Variants in COL9A2 observed in about 807,000 individuals in gnomAD.
The protein encoded by COL9A2 is collagen type IX alpha 2 chain.
COL9A2 carries 66 observed loss-of-function variants against 111.6 expected under a neutral mutation model. The observed-to-expected ratio is 0.59, with a 90% CI of 0.48 to 0.73. The LOEUF (loss-of-function observed/expected upper bound fraction) is 0.73. Ranked by LOEUF, COL9A2 falls within the 30% of genes least tolerant of loss-of-function variation. The pLI is 0.00. For synonymous variants in COL9A2, 353 were observed against 364.1 expected, an observed-to-expected ratio of 0.97 and a Z score of 0.35; for missense variants, 881 against 954.1, an observed-to-expected ratio of 0.92 and a Z score of 1.01.
chr1:40,314,077 G>A lies in COL9A2; in HGVS notation c.249+128C>T. On this transcript the variant is annotated intron_variant, in intron 4 of 31. Coordinates refer to ENST00000372748, the MANE Select transcript of COL9A2 (RefSeq NM_001852.4). This position sits in a 1 kb window ranked among gnomAD's most constrained non-coding sequence, Gnocchi z 4.1. ...GTCACAAGTCATATCAAGGTGAGGG[G>A]GGCTCACAGCTGGAGAATCTCCATC... The A allele has an allele frequency of 1.9e-6, 2 of 1,026,668 alleles. No homozygotes were observed. The highest frequency in any genetic ancestry group is 3.1e-6 in the Non-Finnish European group (2 of 648,670). 63.6% of individuals were successfully genotyped at this position (1,026,668 alleles called of 1,614,324 possible).
rs559005775 is a variant in COL9A2, at chr1:40,314,912, C to T, written c.151-525G>A. ...GGACCTCCTTCCAGTGCCAAAGGAC[C>T]CTTGGTGGTGGGCAGGCAGGGCCGG... On this transcript the variant is annotated intron_variant, in intron 2 of 31. Coordinates refer to ENST00000372748, the MANE Select transcript of COL9A2 (RefSeq NM_001852.4). This position sits in a 1 kb window ranked among gnomAD's most constrained non-coding sequence, Gnocchi z 4.1. Among the ~76,000 whole-genome samples the T allele has an allele frequency of 6.6e-6, 1 of 152,004 alleles. No individual in the cohort carries two copies. The highest frequency in any genetic ancestry group is 1.9e-4 in the East Asian group (1 of 5,162).
chr1:40,312,193 G>A lies in COL9A2; in HGVS notation c.364-81C>T, dbSNP rs969391205. The A allele has an allele frequency of 3.6e-5, 45 of 1,257,612 alleles. No homozygotes were observed. The African/African-American group carries it at 6.1e-4, about 17-fold the overall frequency. 77.9% of individuals were successfully genotyped at this position (1,257,612 alleles called of 1,614,324 possible). A position where few individuals can be genotyped will look rare whatever the true frequency, so the allele number is the denominator to read the frequency against. On this transcript the variant is annotated intron_variant, in intron 7 of 31. Transcript: ENST00000372748. The surrounding 1 kb of genome is among the most constrained non-coding windows in gnomAD (Gnocchi z 6.0). The stretch of plus-strand genomic sequence containing the variant: ...ACAAAGGTAGAGACAGGCACCCAAA[G>A]CCCGTTTCTCCACTTTTACTTTTTT...
Position 40,303,871 on chromosome 1 carries a change from C to A in COL9A2, c.1369-32G>T. The A allele has an allele frequency of 6.5e-7, 1 of 1,548,974 alleles. No homozygotes were observed. The highest frequency in any genetic ancestry group is 1.4e-5 in the African/African-American group (1 of 72,892). On this transcript the variant is annotated intron_variant, in intron 26 of 31. Coordinates refer to ENST00000372748, the MANE Select transcript of COL9A2 (RefSeq NM_001852.4). The surrounding 1 kb of genome is among the most constrained non-coding windows in gnomAD (Gnocchi z 4.6). ...GCACAAGGAGCAGCGGTCACGAAGCCGCGGGGACCCCGGGGCCAGCCGCCG... is the reference window on the plus strand; with the variant it reads ...GCACAAGGAGCAGCGGTCACGAAGCAGCGGGGACCCCGGGGCCAGCCGCCG...
Position 40,307,747 on chromosome 1 carries a change from C to T in COL9A2, c.910G>A (p.Gly304Ser), listed in dbSNP as rs1287491964. 6.2e-7 allele frequency: 1 copy of T among 1,614,158 alleles called. No homozygotes were observed. The highest frequency in any genetic ancestry group is 8.5e-7 in the Non-Finnish European group (1 of 1,180,004). The change falls in exon 18 of 32, where the codon GGC becomes AGC. Residue 304 changes from glycine (G) to serine (S), a missense_variant. By Grantham distance (56) the Gly-to-Ser change is moderately conservative (BLOSUM62 0). Transcript: ENST00000372748. The surrounding 1 kb of genome is among the most constrained non-coding windows in gnomAD (Gnocchi z 4.8). ...GGGGTCCCATCCTTGCCGTTGATGC[C>T]TGGGGGGCCCTACCCAGGAGGAAAG... ...TGPKGATGPP[G>S]INGKDGTPGT...
chr1:40,312,327 G>A lies in COL9A2; in HGVS notation c.363+129C>T, dbSNP rs946343651. 7.4e-7 allele frequency: 1 copy of A among 1,349,508 alleles called. No individual in the cohort carries two copies. Among genetic ancestry groups the A allele is most frequent in the African/African-American group, 1.5e-5 (1 of 68,866 alleles). 83.6% of individuals were successfully genotyped at this position (1,349,508 alleles called of 1,614,324 possible). A position where few individuals can be genotyped will look rare whatever the true frequency, so the allele number is the denominator to read the frequency against. On this transcript the variant is annotated intron_variant, in intron 7 of 31. Coordinates refer to ENST00000372748, the MANE Select transcript of COL9A2 (RefSeq NM_001852.4). This position sits in a 1 kb window ranked among gnomAD's most constrained non-coding sequence, Gnocchi z 6.0. ...TGGGCTGGCCCTGGGTCTCTGGCAGGTCCACTTATTCCTGACACTATCACA... is the reference window on the plus strand; with the variant it reads ...TGGGCTGGCCCTGGGTCTCTGGCAGATCCACTTATTCCTGACACTATCACA...
At position 40,304,853 on chromosome 1, in the gene COL9A2, G is replaced by A; in HGVS notation, c.1108-6C>T. On this transcript the variant is annotated splice_region_variant and splice_polypyrimidine_tract_variant and intron_variant, in intron 21 of 31. Coordinates refer to ENST00000372748, the MANE Select transcript of COL9A2 (RefSeq NM_001852.4). ...CCTCGAGGCCCTGGCTCTCCCTGGA[G>A]GAAGGAGAAATTGGGGCTAAGCGTT... is the stretch of plus-strand genomic sequence containing the variant. 6.5e-7 allele frequency: 1 copy of A among 1,549,806 alleles called. No individual in the cohort carries two copies. The highest frequency in any genetic ancestry group is 1.2e-5 in the South Asian group (1 of 84,038).
Position 40,311,887 on chromosome 1 carries a change from G to A in COL9A2, c.417+172C>T, listed in dbSNP as rs748492623. ...ATTGACAGGGGATGGGGCCAGCGGC[G>A]TCCCTAAAAGACCTAGTGCCGGGTG... On this transcript the variant is annotated intron_variant, in intron 8 of 31. Transcript: ENST00000372748. The surrounding 1 kb of genome is among the most constrained non-coding windows in gnomAD (Gnocchi z 5.1). 1.3e-5 allele frequency among the ~76,000 whole-genome samples: 2 copies of A among 152,198 alleles called. No individual in the cohort carries two copies. The highest frequency in any genetic ancestry group is 1.9e-4 in the East Asian group (1 of 5,198).
intron 23 of COL9A2, 33 bp from the exon 24 acceptor site, chr1:40,304,424 A>C (rs201115547): frequency 1.2e-6 from 2 of 1,612,754 alleles, no homozygotes; most frequent in South Asian, 2.2e-5. Flanking sequence ...GAATAAATGG[A>C]ATGAGGGGCC....
chr1:40,307,673 C>T lies in COL9A2; in HGVS notation c.954+30G>A. On this transcript the variant is annotated intron_variant, in intron 18 of 31. Coordinates refer to ENST00000372748, the MANE Select transcript of COL9A2 (RefSeq NM_001852.4). This position sits in a 1 kb window ranked among gnomAD's most constrained non-coding sequence, Gnocchi z 4.8. ...TCCAGGACTCAAGGTCCTGCCCCTG[C>T]CCCAGTCCCATCAGCAGCCCCACTC... The T allele has an allele frequency of 1.9e-6, 3 of 1,613,430 alleles. No homozygotes were observed. The highest frequency in any genetic ancestry group is 1.6e-4 in the Middle Eastern group (1 of 6,062).
intron 16 of COL9A2, 62 bp from the exon 17 acceptor site, chr1:40,308,307 A>G: frequency 6.5e-7 from 1 of 1,545,422 alleles, no homozygotes; most frequent in Non-Finnish European, 8.8e-7. Flanking sequence ...GGCTGTGCAG[A>G]GAGGGGAACC....
chr1:40,314,269 T>G lies in COL9A2; in HGVS notation c.187-2A>C. 1 of 1,614,148 alleles carries G rather than the reference T, an allele frequency of 6.2e-7. No homozygotes were observed. The highest frequency in any genetic ancestry group is 8.5e-7 in the Non-Finnish European group (1 of 1,180,020). ...TTTGCCAGGCTCGCCCTTGGGTCCC[T>G]TGAAAACAGAGATGGAACAAACATG... is the stretch of plus-strand genomic sequence containing the variant. On this transcript the variant is annotated splice_acceptor_variant, in intron 3 of 31. Coordinates refer to ENST00000372748, the MANE Select transcript of COL9A2 (RefSeq NM_001852.4). LOFTEE classifies it high-confidence loss of function. This position sits in a 1 kb window ranked among gnomAD's most constrained non-coding sequence, Gnocchi z 4.1.
rs190129497 is a variant in COL9A2 at position 40,311,176 on chromosome 1, G to C, written c.577-30C>G. On this transcript the variant is annotated intron_variant, in intron 11 of 31. Transcript: ENST00000372748. The surrounding 1 kb of genome is among the most constrained non-coding windows in gnomAD (Gnocchi z 5.1). ...AGGGAAGGAGAGAGCTCAATACGAGGTCCCCTCCTGTCACCTGCACCACCC... is the reference window on the plus strand; with the variant it reads ...AGGGAAGGAGAGAGCTCAATACGAGCTCCCCTCCTGTCACCTGCACCACCC... The C allele has an allele frequency of 1.2e-6, 2 of 1,614,176 alleles. No individual in the cohort carries two copies. Among genetic ancestry groups the C allele is most frequent in the South Asian group, 2.2e-5 (2 of 91,080 alleles).
Position 40,311,850 on chromosome 1 carries a change from G to T in COL9A2, c.418-135C>A. 1 of 1,076,524 alleles carries T rather than the reference G, an allele frequency of 9.3e-7. No homozygotes were observed. Among genetic ancestry groups the T allele is most frequent in the African/African-American group, 1.6e-5 (1 of 64,274 alleles). 66.7% of individuals were successfully genotyped at this position (1,076,524 alleles called of 1,614,324 possible). ...CTTTGTGAGATCCACCATCTTGGGA[G>T]ATGAAGGCCTGATTGACAGGGGATG... is the stretch of plus-strand genomic sequence containing the variant. On this transcript the variant is annotated intron_variant, in intron 8 of 31. Coordinates refer to ENST00000372748, the MANE Select transcript of COL9A2 (RefSeq NM_001852.4). This position sits in a 1 kb window ranked among gnomAD's most constrained non-coding sequence, Gnocchi z 5.1.
chr1:40,306,453 G>A (rs986014868), intron 19 of COL9A2, among the ~76,000 whole-genome samples: 6 of 152,216 alleles, frequency 3.9e-5, no homozygotes, highest in Non-Finnish European at 5.9e-5. Context: ...CCATGTGAGT[G>A]CACGCAGGAA....
intron 1 of COL9A2, 43 bp from the exon 2 acceptor site, chr1:40,315,707 G>A (rs1470179583): frequency 2.7e-6 from 4 of 1,455,548 alleles, no homozygotes; most frequent in Non-Finnish European, 3.7e-6. Context: ...AGACAGTGCA[G>A]GAAGCTGGGC....
At position 40,303,112 on chromosome 1, in the gene COL9A2, A is replaced by C; in HGVS notation, c.1603+19T>G. The C allele has an allele frequency of 6.2e-7, 1 of 1,610,700 alleles. No homozygotes were observed. Among genetic ancestry groups the C allele is most frequent in the South Asian group, 1.1e-5 (1 of 90,284 alleles). On this transcript the variant is annotated intron_variant, in intron 29 of 31. Coordinates refer to ENST00000372748, the MANE Select transcript of COL9A2 (RefSeq NM_001852.4). The surrounding 1 kb of genome is among the most constrained non-coding windows in gnomAD (Gnocchi z 4.6). ...CGATGCCCTCGAACTGACTGTGAGG[A>C]GGGGTTGCTGCCCCTCACCTTGCAG... is the stretch of plus-strand genomic sequence containing the variant.
rs1644096282 is a variant in COL9A2, at chr1:40,310,060, G to A, written c.792+51C>T. ...GGGGAGCCATGCCCACTCTGTGGCTGTAGCTGTAGGAGCTCCAGCCTCAGG... is the reference window on the plus strand; with the variant it reads ...GGGGAGCCATGCCCACTCTGTGGCTATAGCTGTAGGAGCTCCAGCCTCAGG... On this transcript the variant is annotated intron_variant, in intron 15 of 31. Transcript: ENST00000372748. This position sits in a 1 kb window ranked among gnomAD's most constrained non-coding sequence, Gnocchi z 4.9. The A allele has an allele frequency of 1.2e-6, 2 of 1,613,554 alleles. No individual in the cohort carries two copies. The highest frequency in any genetic ancestry group is 1.7e-6 in the Non-Finnish European group (2 of 1,179,442).
chr1:40,305,930 T>C (rs1327469522), intron 20 of COL9A2, among the ~76,000 whole-genome samples, 162 bp from the exon 21 acceptor site: 1 of 152,228 alleles, frequency 6.6e-6, no homozygotes, highest in African/African-American at 2.4e-5. Context: ...TCCTGTTTGT[T>C]TCTCCTCTGG....
Position 40,304,376 on chromosome 1 carries a change from G to T in COL9A2, c.1231C>A (p.Gln411Lys), listed in dbSNP as rs1431926349. The change falls in exon 24 of 32, where the codon CAG (glutamine) becomes AAG (lysine). Residue 411 changes from glutamine to lysine, a missense_variant. Physicochemically the swap from Gln to Lys is moderately conservative, Grantham distance 53. Transcript: ENST00000372748. Reference protein sequence around the residue: ...PQGRQGPKGEQGPPGIPGPQG... With the variant: ...PQGRQGPKGEKGPPGIPGPQG... Reference sequence around the variant, plus strand: ...GGCCCTGGAATTCCGGGGGGGCCCTGCTCCCCCTTAGGGCCCTGAGGAGAA... The same window carrying T: ...GGCCCTGGAATTCCGGGGGGGCCCTTCTCCCCCTTAGGGCCCTGAGGAGAA... 4 of 1,592,332 alleles carry T rather than the reference G, an allele frequency of 2.5e-6. No homozygotes were observed. The African/African-American group carries it at 5.4e-5, about 21-fold the overall frequency.
Sources: gnomAD v4.1 joint callset for allele counts (sites outside exome capture counted in the v4.1 genomes callset) on GRCh38, gnomAD v4.1.1 for gene constraint, Gnocchi (gnomAD v3.1) non-coding constraint, MANE v1.5 for transcripts, NCBI Gene and HGNC (gene_info 2026-07-23, HGNC 2026-07-21) for gene names.